The following GRID1 variants were observed in gnomAD, a reference collection of about 807,000 sequenced individuals.
GRID1 encodes the protein glutamate ionotropic receptor delta type subunit 1.
In GRID1, 28 loss-of-function variants were observed where a neutral mutation model predicts 98.0. The observed-to-expected ratio is 0.29, with a 90% CI of 0.21 to 0.39. The LOEUF (loss-of-function observed/expected upper bound fraction) is 0.39. Among genes scored for constraint, GRID1 ranks in the 10% least tolerant of loss-of-function variants. The pLI is 1.00. For synonymous variants in GRID1, 553 were observed against 538.5 expected (o/e 1.03, Z -0.37); for missense variants, 1,111 against 1,340.5 (o/e 0.83, Z 2.67).
intron 8 of GRID1, among the ~76,000 whole-genome samples, chr10:85,802,627 A>G (rs1842586975): frequency 6.6e-6 from 1 of 152,114 alleles, no homozygotes; most frequent in Non-Finnish European, 1.5e-5. Context: ...TTAAATTTTA[A>G]TAGGAAGAAC....
At chr10:85,609,703 G>T (rs180688020) in intron 15 of GRID1, among the ~76,000 whole-genome samples, 1 of 152,250 alleles carries the variant, frequency 6.6e-6, no homozygotes, top group Non-Finnish European at 1.5e-5. Context: ...AACCGGGCCA[G>T]GGGAGGGCAG....
chr10:85,743,244 C>T (rs1480015449), intron 8 of GRID1, among the ~76,000 whole-genome samples: 1 of 151,922 alleles, frequency 6.6e-6, no homozygotes, highest in Non-Finnish European at 1.5e-5. Flanking sequence ...TCCAGCCTTC[C>T]AATCACCTCT....
At position 85,865,370 on chromosome 10, in the gene GRID1, A is replaced by G. The variant is rs1050467040; in HGVS notation, c.951+3640T>C. Among the ~76,000 whole-genome samples, 5 of 152,204 alleles carry G rather than the reference A, an allele frequency of 3.3e-5. No homozygotes were observed. The East Asian group carries it at 9.6e-4, about 29-fold the overall frequency. On this transcript the variant is annotated intron_variant, in intron 6 of 15. Coordinates refer to ENST00000327946, the MANE Select transcript of GRID1 (RefSeq NM_017551.3). The stretch of plus-strand genomic sequence containing the variant: ...TGGCTTTAGAGCACAGAAAGCCCTG[A>G]CCACAAGCCTCATAGAGGATGACAG...
intron 6 of GRID1, among the ~76,000 whole-genome samples, chr10:85,856,407 A>G: frequency 6.6e-6 from 1 of 152,218 alleles, no homozygotes; most frequent in Middle Eastern, 3.2e-3. Context: ...CAGGAACTAG[A>G]GTGGGATGTG....
chr10:86,173,141 A>C (rs1840699199), intron 3 of GRID1, among the ~76,000 whole-genome samples: 1 of 152,200 alleles, frequency 6.6e-6, no homozygotes, highest in African/African-American at 2.4e-5. Context: ...GGACTCAAGC[A>C]ATCCTCCCAC....
intron 12 of GRID1, among the ~76,000 whole-genome samples, chr10:85,697,654 A>G (rs1033299014): frequency 6.6e-6 from 1 of 152,170 alleles, no homozygotes; most frequent in Non-Finnish European, 1.5e-5. Flanking sequence ...CATGAGTCCC[A>G]TTAATATGAA....
At chr10:86,269,177 T>TA (rs1480642954) in intron 2 of GRID1, among the ~76,000 whole-genome samples, 2 of 152,068 alleles carry the variant, frequency 1.3e-5, no homozygotes, top group African/African-American at 4.8e-5. Context: ...AGACATCACA[T>TA]AAAAAGTGTC....
At chr10:85,687,607 G>A (rs1207458446) in intron 12 of GRID1, among the ~76,000 whole-genome samples, 1 of 151,834 alleles carries the variant, frequency 6.6e-6, no homozygotes, top group African/African-American at 2.4e-5. Flanking sequence ...TCCAGCCTGG[G>A]TGACAGAGCA....
intron 4 of GRID1, among the ~76,000 whole-genome samples, chr10:86,038,966 C>T (rs112483248): frequency 3.3e-5 from 5 of 152,302 alleles, no homozygotes; most frequent in African/African-American, 9.6e-5. Flanking sequence ...AAGCAACAAA[C>T]AAGCCCAGCC....
At chr10:86,307,868 C>T (rs1161945799) in intron 2 of GRID1, among the ~76,000 whole-genome samples, 1 of 152,120 alleles carries the variant, frequency 6.6e-6, no homozygotes, top group African/African-American at 2.4e-5. Context: ...GTCCTTTGTT[C>T]CTTTGTTTTT....
At chr10:86,017,181 T>A (rs532760210) in intron 4 of GRID1, among the ~76,000 whole-genome samples, 66 of 152,200 alleles carry the variant, frequency 4.3e-4, no homozygotes, top group Non-Finnish European at 7.5e-4. Flanking sequence ...AGACAATAAC[T>A]CAAATCTCTC....
At chr10:85,765,442 T>C (rs12252170) in intron 8 of GRID1, among the ~76,000 whole-genome samples, 5,579 of 152,214 alleles carry the variant, frequency 0.037, 324 homozygotes, top group African/African-American at 0.13. Flanking sequence ...AATCTGAAAA[T>C]GCAAAATCCA....
intron 3 of GRID1, among the ~76,000 whole-genome samples, chr10:86,166,849 G>A (rs1845406572): frequency 6.6e-6 from 1 of 152,174 alleles, no homozygotes; most frequent in Non-Finnish European, 1.5e-5. Flanking sequence ...TCTGGCCCAA[G>A]TACCTCCTTA....
intron 2 of GRID1, among the ~76,000 whole-genome samples, chr10:86,309,575 C>G (rs1403528546): frequency 2.0e-5 from 3 of 152,178 alleles, no homozygotes; most frequent in Admixed American, 6.5e-5. Flanking sequence ...TCTGTTCTAC[C>G]TGGCAGCATC....
chr10:85,877,225 T>A (rs1409898460), intron 5 of GRID1, among the ~76,000 whole-genome samples: 1 of 152,088 alleles, frequency 6.6e-6, no homozygotes, highest in Non-Finnish European at 1.5e-5. Flanking sequence ...CAAACTTAAA[T>A]GTCCCTGTTT....
chr10:86,357,278 T>A (rs1337770776), intron 2 of GRID1, among the ~76,000 whole-genome samples: 1 of 152,230 alleles, frequency 6.6e-6, no homozygotes, highest in Non-Finnish European at 1.5e-5. Flanking sequence ...CCCAGCTGCC[T>A]TCCTGGGCCC....
chr10:86,295,290 C>T (rs1289742597), intron 2 of GRID1, among the ~76,000 whole-genome samples: 1 of 152,132 alleles, frequency 6.6e-6, no homozygotes, highest in Non-Finnish European at 1.5e-5. Flanking sequence ...GAGAAGGAAA[C>T]TTGATGATGA....
chr10:85,944,071 C>T lies in GRID1; in HGVS notation c.727-27832G>A, dbSNP rs566794868. Among the ~76,000 whole-genome samples the T allele has an allele frequency of 2.6e-5, 4 of 152,332 alleles. No homozygotes were observed. The East Asian group carries it at 5.8e-4, about 22-fold the overall frequency. ...TGAGACACACATGGCCCACTGGCCT[C>T]CATTGCCCTAGCCAACAGCCACCCA... On this transcript the variant is annotated intron_variant, in intron 4 of 15. Coordinates refer to ENST00000327946, the MANE Select transcript of GRID1 (RefSeq NM_017551.3).
At chr10:85,936,985 C>T (rs1486514061) in intron 4 of GRID1, among the ~76,000 whole-genome samples, 2 of 152,176 alleles carry the variant, frequency 1.3e-5, no homozygotes, top group Non-Finnish European at 2.9e-5. Context: ...CTGATGTGAA[C>T]CAAGCCCAGA....
Sources: gnomAD v4.1 joint callset for allele counts (sites outside exome capture counted in the v4.1 genomes callset) on GRCh38, gnomAD v4.1.1 for gene constraint, MANE v1.5 for transcripts, NCBI Gene and HGNC (gene_info 2026-07-23, HGNC 2026-07-21) for gene names.